UQCC5: variants seen among roughly 807,000 people sequenced by gnomAD.
UQCC5 encodes UPF0640 protein C3orf78.
the UQCC5 span, chr3:52,536,661 C>G: frequency 6.6e-7 from 1 of 1,507,922 alleles, no homozygotes; most frequent in Non-Finnish European, 8.9e-7. Flanking sequence ...TCCCAGGTCG[C>G]GGTACACGGC....
the UQCC5 span, among the ~76,000 whole-genome samples, chr3:52,538,500 T>C: frequency 3.9e-5 from 6 of 152,216 alleles, no homozygotes; most frequent in African/African-American, 1.4e-4. Context: ...TCGCTCTTGT[T>C]GCCCAGGCTG....
the UQCC5 span, among the ~76,000 whole-genome samples, chr3:52,538,699 G>A: frequency 1.3e-5 from 2 of 152,192 alleles, no homozygotes; most frequent in Non-Finnish European, 2.9e-5. Context: ...GACCTCAGGT[G>A]ATCTGCCCAC....
chr3:52,536,798 C>T, the UQCC5 span: 2 of 1,551,756 alleles, frequency 1.3e-6, no homozygotes, highest in African/African-American at 2.7e-5. Flanking sequence ...GCAGCGGGTG[C>T]CCGGGAAGCA....
At chr3:52,539,638 A>AT in the UQCC5 span, among the ~76,000 whole-genome samples, 2,157 of 139,716 alleles carry the variant, frequency 0.015, 47 homozygotes, top group African/African-American at 0.044. Context: ...AAGGAAGAAG[A>AT]TTTTTTTTTT....
the UQCC5 span, among the ~76,000 whole-genome samples, chr3:52,538,641 A>G: frequency 6.6e-6 from 1 of 152,070 alleles, no homozygotes; most frequent in Non-Finnish European, 1.5e-5. Context: ...TTGTATTTTT[A>G]GTAGACATGG....
the UQCC5 span, chr3:52,540,340 C>G: frequency 2.0e-6 from 2 of 1,009,786 alleles, no homozygotes; most frequent in Non-Finnish European, 1.4e-6. Context: ...AGGTGACAGA[C>G]CTAGACTATT....
the UQCC5 span, chr3:52,540,793 G>A: frequency 2.5e-5 from 6 of 241,660 alleles, no homozygotes; most frequent in Non-Finnish European, 3.9e-5. Context: ...AGTGAAGCCC[G>A]AATTGTTTTC....
chr3:52,540,751 A>C, the UQCC5 span: 2 of 319,934 alleles, frequency 6.3e-6, no homozygotes, highest in Non-Finnish European at 1.1e-5. Flanking sequence ...AATATTTCTT[A>C]AACAATTCAA....
the UQCC5 span, chr3:52,540,611 C>T: frequency 1.5e-6 from 1 of 687,534 alleles, no homozygotes; most frequent in Non-Finnish European, 2.3e-6. Flanking sequence ...CACAATATTC[C>T]AATAACTGTT....
chr3:52,541,830 A>G, the UQCC5 span: 7 of 152,358 alleles, frequency 4.6e-5, no homozygotes, highest in African/African-American at 1.7e-4. Context: ...TGATACATAT[A>G]GAAAATACGT....
the UQCC5 span, chr3:52,541,238 A>AAT: frequency 6.6e-6 from 1 of 152,204 alleles, no homozygotes; most frequent in African/African-American, 2.4e-5. Context: ...GTGATTTGGC[A>AAT]ATCTGACCCA....
chr3:52,541,111 T>A, the UQCC5 span: 1 of 152,270 alleles, frequency 6.6e-6, no homozygotes, highest in African/African-American at 2.4e-5. Context: ...TACTCTAGGA[T>A]GAAGATGTTG....
chr3:52,536,936 C>T, the UQCC5 span: 1 of 1,550,818 alleles, frequency 6.4e-7, no homozygotes, highest in Non-Finnish European at 8.7e-7. Context: ...TCTCTGTTTC[C>T]TTTCAGGAAG....
the UQCC5 span, chr3:52,536,626 T>G: frequency 4.7e-6 from 7 of 1,475,272 alleles, no homozygotes; most frequent in African/African-American, 7.0e-5. Flanking sequence ...TACCAGACAG[T>G]GGCGGAGGAC....
the UQCC5 span, among the ~76,000 whole-genome samples, chr3:52,538,344 C>CGAG: frequency 1.5e-4 from 23 of 152,194 alleles, 1 homozygote; most frequent in East Asian, 4.4e-3. Context: ...TGGGACGTGA[C>CGAG]GAGGTAGATA....
chr3:52,540,731 T>C, the UQCC5 span: 1 of 363,862 alleles, frequency 2.7e-6, no homozygotes, highest in Non-Finnish European at 4.9e-6. Flanking sequence ...TCGATGAATC[T>C]AGTCCATGAA....
the UQCC5 span, chr3:52,537,025 G>A: frequency 1.5e-6 from 2 of 1,365,806 alleles, no homozygotes; most frequent in East Asian, 2.5e-5. Flanking sequence ...AGCGCTGGGC[G>A]AGTGCAGTTC....
chr3:52,539,690 G>C, the UQCC5 span, among the ~76,000 whole-genome samples: 1 of 150,616 alleles, frequency 6.6e-6, no homozygotes, highest in Non-Finnish European at 1.5e-5. Flanking sequence ...CCAGGCTGGA[G>C]TGTGGTGGCA....
At chr3:52,540,519 A>G in the UQCC5 span, 2 of 1,439,506 alleles carry the variant, frequency 1.4e-6, no homozygotes, top group Non-Finnish European at 1.9e-6. Flanking sequence ...AGTCAATATG[A>G]ATTTTTACTA....
Sources: gnomAD v4.1 joint callset for allele counts (sites outside exome capture counted in the v4.1 genomes callset) on GRCh38, gnomAD v4.1.1 for gene constraint, MANE v1.5 for transcripts, NCBI Gene and HGNC (gene_info 2026-07-23, HGNC 2026-07-21) for gene names.